The following CRADD variants were observed in gnomAD, a reference collection of about 807,000 sequenced individuals.
CRADD encodes CARD and death domain containing adaptor protein, also known as death domain-containing protein CRADD.
A neutral mutation model predicts 15.5 loss-of-function variants in CRADD; 9 were observed. The observed-to-expected ratio is 0.58, with a 90% CI of 0.35 to 1.01. The LOEUF (loss-of-function observed/expected upper bound fraction) is 1.01, where lower values mean the gene tolerates loss of function less well. CRADD is among the 50% of genes least tolerant of loss of function. CRADD has a pLI of 0.02. For synonymous variants in CRADD, 118 were observed against 107.6 expected (o/e 1.10, Z -0.60); for missense variants, 227 against 250.3 (o/e 0.91, Z 0.63).
At chr12:93,867,778 A>G (rs1593053302) in intron 2 of CRADD, among the ~76,000 whole-genome samples, 1 of 152,196 alleles carries the variant, frequency 6.6e-6, no homozygotes, top group African/African-American at 2.4e-5. Flanking sequence ...ATGCTTCATC[A>G]GTATAGTCAG....
intron 2 of CRADD, among the ~76,000 whole-genome samples, chr12:93,736,080 C>T (rs1392111415): frequency 2.6e-5 from 4 of 152,080 alleles, no homozygotes; most frequent in Non-Finnish European, 5.9e-5. Context: ...TAGCAAGCAC[C>T]AGGCACATCT....
At chr12:93,756,137 A>G (rs1016263787) in intron 2 of CRADD, among the ~76,000 whole-genome samples, 15 of 152,188 alleles carry the variant, frequency 9.9e-5, no homozygotes, top group Non-Finnish European at 1.5e-4. Flanking sequence ...ATTATCTAAA[A>G]CACTAAAAAA....
At chr12:93,890,815 G>A (rs1294568147) in intron 2 of CRADD, among the ~76,000 whole-genome samples, 2 of 149,708 alleles carry the variant, frequency 1.3e-5, no homozygotes, top group Admixed American at 6.7e-5. Context: ...CTAGAGTGCA[G>A]TGGCACTATT....
chr12:93,882,157 C>T (rs1336566611), intron 2 of CRADD, among the ~76,000 whole-genome samples: 1 of 149,576 alleles, frequency 6.7e-6, no homozygotes, highest in Non-Finnish European at 1.5e-5. Flanking sequence ...CACGGTGGCT[C>T]ATGCCTGTAA....
chr12:93,889,270 G>T (rs1958559318), intron 2 of CRADD, among the ~76,000 whole-genome samples: 1 of 152,164 alleles, frequency 6.6e-6, no homozygotes. Flanking sequence ...TCCAGGGCTA[G>T]TGGGTGAGGT....
At chr12:93,743,232 C>T (rs1388964229) in intron 2 of CRADD, among the ~76,000 whole-genome samples, 2 of 152,054 alleles carry the variant, frequency 1.3e-5, no homozygotes, top group African/African-American at 4.8e-5. Flanking sequence ...TTTTTTAGGC[C>T]AATTTTTCTA....
chr12:93,795,347 C>A (rs950013500), intron 2 of CRADD, among the ~76,000 whole-genome samples: 8 of 152,184 alleles, frequency 5.3e-5, no homozygotes, highest in Non-Finnish European at 1.0e-4. Flanking sequence ...TGCTTGCAAA[C>A]TGTGTAAAGA....
chr12:93,712,346 A>G (rs1956089396), intron 2 of CRADD, among the ~76,000 whole-genome samples: 1 of 152,106 alleles, frequency 6.6e-6, no homozygotes. Context: ...ACTTATTGCT[A>G]GTGTCAGCCT....
intron 2 of CRADD, among the ~76,000 whole-genome samples, chr12:93,866,461 A>G (rs1016227903): frequency 3.9e-5 from 6 of 152,130 alleles, no homozygotes; most frequent in South Asian, 2.1e-4. Flanking sequence ...ATAGCATCCT[A>G]TTGCTTCATG....
chr12:93,894,287 G>A (rs1367750412), exon 3 of CRADD: 6 of 605,602 alleles, frequency 9.9e-6, no homozygotes, highest in Non-Finnish European at 1.8e-5. Flanking sequence ...GGGGGCAGGG[G>A]ATTATGTTGG....
intron 2 of CRADD, among the ~76,000 whole-genome samples, chr12:93,800,362 G>T (rs1957463864): frequency 6.6e-6 from 1 of 152,076 alleles, no homozygotes; most frequent in Non-Finnish European, 1.5e-5. Context: ...TTCTATTTGG[G>T]CCCTCTACAG....
intron 2 of CRADD, among the ~76,000 whole-genome samples, chr12:93,779,591 CTT>C (rs72096249): frequency 1.0e-4 from 14 of 137,414 alleles, no homozygotes; most frequent in Middle Eastern, 3.4e-3. Context: ...AAGAAAGAAC[CTT>C]TTTTTTTTTT....
intron 2 of CRADD, among the ~76,000 whole-genome samples, chr12:93,873,785 T>G (rs1451935942): frequency 1.3e-5 from 2 of 152,190 alleles, no homozygotes; most frequent in Non-Finnish European, 2.9e-5. Context: ...TGAATGATCT[T>G]TCTAATGTAT....
chr12:93,706,935 A>C (rs1454980370), intron 2 of CRADD, among the ~76,000 whole-genome samples: 5 of 152,172 alleles, frequency 3.3e-5, no homozygotes, highest in African/African-American at 1.2e-4. Context: ...TTGAGTGAAA[A>C]AATATGTATA....
intron 2 of CRADD, among the ~76,000 whole-genome samples, chr12:93,861,948 G>A (rs1019125303): frequency 4.6e-5 from 7 of 152,132 alleles, no homozygotes; most frequent in African/African-American, 1.4e-4. Context: ...CTGAATCATG[G>A]GGTCGGTTTC....
chr12:93,859,556 T>A (rs1329641962), intron 2 of CRADD: 1 of 322,842 alleles, frequency 3.1e-6, no homozygotes, highest in African/African-American at 2.2e-5. Flanking sequence ...CATTTATTAA[T>A]GAAGAATAAC....
At chr12:93,880,348 G>T (rs947255576) in intron 2 of CRADD, among the ~76,000 whole-genome samples, 1 of 152,154 alleles carries the variant, frequency 6.6e-6, no homozygotes, top group African/African-American at 2.4e-5. Flanking sequence ...ATAAACAAAA[G>T]AAGTCATTTC....
intron 2 of CRADD, among the ~76,000 whole-genome samples, chr12:93,814,085 T>C (rs1325086130): frequency 6.6e-6 from 1 of 152,236 alleles, no homozygotes; most frequent in African/African-American, 2.4e-5. Flanking sequence ...CTCAGCTGCC[T>C]GCCAATTCTC....
intron 2 of CRADD, among the ~76,000 whole-genome samples, chr12:93,710,652 A>G (rs905652588): frequency 6.6e-6 from 1 of 151,936 alleles, no homozygotes; most frequent in Admixed American, 6.6e-5. Context: ...GCCAGCTTCT[A>G]TTTCTCTTGA....
Sources: gnomAD v4.1 joint callset for allele counts (sites outside exome capture counted in the v4.1 genomes callset) on GRCh38, gnomAD v4.1.1 for gene constraint, MANE v1.5 for transcripts, NCBI Gene and HGNC (gene_info 2026-07-23, HGNC 2026-07-21) for gene names.